METTL2A: variants seen among roughly 807,000 people sequenced by gnomAD.
The protein encoded by METTL2A is methyltransferase 2A, tRNA N3-cytidine.
Under a neutral mutation model 49.4 loss-of-function variants are expected in METTL2A, and 45 were observed. The ratio of observed to expected loss-of-function variants is 0.91; its 90% confidence interval spans 0.72 to 1.17. The LOEUF (loss-of-function observed/expected upper bound fraction) is 1.17. METTL2A is among the 50% of genes most tolerant of loss of function. The pLI, the probability that METTL2A is intolerant of heterozygous loss-of-function variation, is 0.00. For missense variants in METTL2A, 361 were observed against 462.2 expected, an observed-to-expected ratio of 0.78 and a Z score of 2.01; for synonymous variants, 118 against 167.5, an observed-to-expected ratio of 0.70 and a Z score of 2.28.
chr17:62,424,172 C>G lies in METTL2A; in HGVS notation c.111-47C>G, dbSNP rs558879855. The G allele has an allele frequency of 7.4e-6, 12 of 1,613,638 alleles. No homozygotes were observed. In the East Asian group the frequency reaches 2.2e-4, roughly 30 times the overall value. ...TCCTAGGCCAGCGACTCACCCTGCC[C>G]GCAGCCAGGACGTGAGGCCCCTAAG... On this transcript the variant is annotated intron_variant, in intron 1 of 8. Coordinates refer to ENST00000311506, the MANE Select transcript of METTL2A (RefSeq NM_181725.4).
chr17:62,440,473 T>A, intron 5 of METTL2A, 144 bp from the exon 6 acceptor site: 1 of 1,197,716 alleles, frequency 8.3e-7, no homozygotes, highest in Non-Finnish European at 1.1e-6. Context: ...TGGGGAGATT[T>A]TGCCTCAAGA....
Position 62,448,948 on chromosome 17 carries a change from G to A in METTL2A, c.*219G>A, listed in dbSNP as rs1021552484. 1.5e-5 allele frequency: 8 copies of A among 529,448 alleles called. No individual in the cohort carries two copies. The highest frequency in any genetic ancestry group is 1.0e-4 in the South Asian group (2 of 19,810). The allele number at this position is 529,448 out of a possible 1,614,324, so 32.8% of individuals were successfully genotyped here. ...AAATAAAAAATATAAATGAGGTCTC[G>A]TTGATGTTGGACAATTCAAGAATTC... On this transcript the variant is annotated 3_prime_UTR_variant, in exon 9 of 9. Transcript: ENST00000311506.
At chr17:62,427,344 G>A (rs1476639863) in intron 3 of METTL2A, among the ~76,000 whole-genome samples, 1 of 152,166 alleles carries the variant, frequency 6.6e-6, no homozygotes, top group Non-Finnish European at 1.5e-5. Context: ...ACAGTATCTG[G>A]CACATAGTTA....
At chr17:62,426,022 C>T (rs1190139700) in intron 2 of METTL2A, among the ~76,000 whole-genome samples, 1 of 151,040 alleles carries the variant, frequency 6.6e-6, no homozygotes, top group East Asian at 2.0e-4. Context: ...AAAAGGCATC[C>T]AAAGATGTAG....
At chr17:62,430,387 C>G (rs1219051420) in intron 4 of METTL2A, among the ~76,000 whole-genome samples, 1 of 152,206 alleles carries the variant, frequency 6.6e-6, no homozygotes, top group Non-Finnish European at 1.5e-5. Flanking sequence ...TGTTCAATAT[C>G]TTGCTAGAAC....
chr17:62,443,792 A>G (rs1289260940), intron 6 of METTL2A, among the ~76,000 whole-genome samples: 3 of 152,026 alleles, frequency 2.0e-5, no homozygotes, highest in Non-Finnish European at 1.5e-5. Flanking sequence ...GGGTTTCACC[A>G]TGTTGGCCAG....
In METTL2A at chr17:62,426,240, T is replaced by G. The variant is rs118029609; in HGVS notation, c.203-59T>G. The G allele has an allele frequency of 2.3e-3, 3,426 of 1,466,518 alleles. 120 individuals are homozygous for G. The East Asian group carries it at 0.07, about 30-fold the overall frequency. The allele number at this position is 1,466,518 out of a possible 1,614,324, so 90.8% of individuals were successfully genotyped here. A position where few individuals can be genotyped will look rare whatever the true frequency, so the allele number is the denominator to read the frequency against. On this transcript the variant is annotated intron_variant, in intron 2 of 8. Transcript: ENST00000311506. ...TTTGGTAAAGCAGGATAATTGATAT[T>G]AGATATAAATAAAACATTTGAGAGC...
chr17:62,437,686 T>C (rs1047944348), intron 5 of METTL2A, among the ~76,000 whole-genome samples: 2 of 152,092 alleles, frequency 1.3e-5, no homozygotes, highest in African/African-American at 4.8e-5. Context: ...AAAATGTATC[T>C]GTTATGGCTG....
intron 4 of METTL2A, 107 bp from the exon 5 acceptor site, chr17:62,435,125 T>A (rs1397248572): frequency 1.3e-6 from 2 of 1,484,358 alleles, no homozygotes; most frequent in African/African-American, 2.8e-5. Flanking sequence ...TTTATTTGAA[T>A]GAATGATAGT....
At chr17:62,440,012 G>C (rs1411839020) in intron 5 of METTL2A, among the ~76,000 whole-genome samples, 1 of 149,020 alleles carries the variant, frequency 6.7e-6, no homozygotes, top group Non-Finnish European at 1.5e-5. Flanking sequence ...TGTCGTTTTT[G>C]CCGTTACTTT....
At chr17:62,429,902 C>G (rs542612410) in intron 4 of METTL2A, among the ~76,000 whole-genome samples, 1 of 152,156 alleles carries the variant, frequency 6.6e-6, no homozygotes, top group African/African-American at 2.4e-5. Context: ...AACTCCTGAC[C>G]TCAAGTGATC....
At position 62,424,200 on chromosome 17, in the gene METTL2A, G is replaced by C; in HGVS notation, c.111-19G>C. 1 of 1,614,132 alleles carries C rather than the reference G, an allele frequency of 6.2e-7. No homozygotes were observed. Among genetic ancestry groups the C allele is most frequent in the South Asian group, 1.1e-5 (1 of 91,064 alleles). ...AGCCAGGACGTGAGGCCCCTAAGCT[G>C]CCCGTTTGATTTTCTCAGGGACAAT... On this transcript the variant is annotated intron_variant, in intron 1 of 8. Coordinates refer to ENST00000311506, the MANE Select transcript of METTL2A (RefSeq NM_181725.4).
rs1794780119 is a variant in METTL2A, at chr17:62,449,570, G to A, written c.*841G>A. On this transcript the variant is annotated 3_prime_UTR_variant, in exon 9 of 9. Transcript: ENST00000311506. ...TACTAAAGATAAAAAAATTAGCTGA[G>A]TGTGTTGGTGGGTGCCTGTAATCCA... The A allele has an allele frequency of 3.1e-6, 1 of 326,726 alleles. No homozygotes were observed. Among genetic ancestry groups the A allele is most frequent in the Non-Finnish European group, 5.9e-6 (1 of 169,256 alleles). The allele number at this position is 326,726 out of a possible 1,614,324, so 20.2% of individuals were successfully genotyped here.
At chr17:62,441,176 A>C (rs2070736714) in intron 6 of METTL2A, among the ~76,000 whole-genome samples, 1 of 152,230 alleles carries the variant, frequency 6.6e-6, no homozygotes, top group African/African-American at 2.4e-5. Context: ...GATAGACACA[A>C]AGAAGCCACA....
intron 6 of METTL2A, among the ~76,000 whole-genome samples, chr17:62,444,291 T>C (rs2070754814): frequency 6.6e-6 from 1 of 152,202 alleles, no homozygotes; most frequent in Non-Finnish European, 1.5e-5. Context: ...TGTTTGTTTT[T>C]TGGAGACAAA....
chr17:62,451,890 CAAAA>C lies in METTL2A; in HGVS notation c.*3178_*3181del, dbSNP rs772762045. Among the ~76,000 whole-genome samples, 497 of 60,024 alleles carry C rather than the reference CAAAA, an allele frequency of 8.3e-3. 1 individual carries two copies. The highest frequency in any genetic ancestry group is 0.026 in the African/African-American group (462 of 17,604). The allele number at this position is 60,024 out of a possible 152,430, so 39.4% of individuals were successfully genotyped here. On this transcript the variant is annotated 3_prime_UTR_variant, in exon 9 of 9. Transcript: ENST00000311506. Reference sequence around the variant, plus strand: ...GGGCAACAAGAGTGAAACTCCGTCTCAAAAAAAAAAAAAAAAAAAATTAGCTGGG... The same window carrying C: ...GGGCAACAAGAGTGAAACTCCGTCTCAAAAAAAAAAAAAAAATTAGCTGGG...
intron 4 of METTL2A, among the ~76,000 whole-genome samples, chr17:62,434,010 C>CT (rs2070684055): frequency 6.6e-6 from 1 of 152,104 alleles, no homozygotes; most frequent in African/African-American, 2.4e-5. Flanking sequence ...TGCAATGAGT[C>CT]TTTGAGAAAG....
chr17:62,442,388 G>A (rs760707400), intron 6 of METTL2A, among the ~76,000 whole-genome samples: 1 of 151,938 alleles, frequency 6.6e-6, no homozygotes, highest in Non-Finnish European at 1.5e-5. Context: ...CGATTCTCCT[G>A]CCTCAGCCTC....
chr17:62,437,497 C>T (rs2144146594), intron 5 of METTL2A, among the ~76,000 whole-genome samples: 1 of 152,216 alleles, frequency 6.6e-6, no homozygotes, highest in East Asian at 1.9e-4. Context: ...TACAAGCTCA[C>T]CCTGTTCAGG....
Sources: gnomAD v4.1 joint callset for allele counts (sites outside exome capture counted in the v4.1 genomes callset) on GRCh38, gnomAD v4.1.1 for gene constraint, MANE v1.5 for transcripts, NCBI Gene and HGNC (gene_info 2026-07-23, HGNC 2026-07-21) for gene names.